The following OPCML variants were observed in gnomAD, a reference collection of about 807,000 sequenced individuals.
The protein encoded by OPCML is opioid binding protein/cell adhesion molecule like.
Under a neutral mutation model 37.8 loss-of-function variants are expected in OPCML, and 13 were observed. The observed-to-expected ratio is 0.34, with a 90% CI of 0.22 to 0.55. The LOEUF is 0.55. Ranked by LOEUF, OPCML falls within the 20% of genes least tolerant of loss-of-function variation. OPCML has a pLI of 0.91. For missense variants in OPCML, 341 were observed against 435.6 expected (o/e 0.78, Z 1.93); for synonymous variants, 176 against 168.8 (o/e 1.04, Z -0.33).
intron 2 of OPCML, among the ~76,000 whole-genome samples, chr11:132,678,906 G>T (rs1004046088): frequency 5.9e-5 from 9 of 152,022 alleles, no homozygotes; most frequent in Non-Finnish European, 8.8e-5. Flanking sequence ...GTCATTGTAG[G>T]TTCCTCAGCT....
At chr11:133,090,654 T>G (rs1253305376) in intron 1 of OPCML, among the ~76,000 whole-genome samples, 2 of 152,130 alleles carry the variant, frequency 1.3e-5, no homozygotes, top group Admixed American at 1.3e-4. Flanking sequence ...ACTAGGAAAT[T>G]TGGCAAAAGA....
intron 1 of OPCML, among the ~76,000 whole-genome samples, chr11:133,204,892 A>ATGTGTG (rs1281135321): frequency 3.6e-5 from 5 of 137,342 alleles, no homozygotes; most frequent in African/African-American, 8.1e-5. Flanking sequence ...ATATATATAT[A>ATGTGTG]TATATATATA....
At chr11:133,276,786 T>C (rs1226433411) in intron 1 of OPCML, among the ~76,000 whole-genome samples, 1 of 152,158 alleles carries the variant, frequency 6.6e-6, no homozygotes, top group African/African-American at 2.4e-5. Context: ...TTTTTATAAC[T>C]TCTATGACAG....
chr11:132,774,181 T>A (rs1041168299), intron 2 of OPCML, among the ~76,000 whole-genome samples: 3 of 152,184 alleles, frequency 2.0e-5, no homozygotes, highest in Non-Finnish European at 4.4e-5. Context: ...ATGAGGCAGC[T>A]CCTAGAAGGT....
At chr11:133,060,420 T>C (rs921980221) in intron 1 of OPCML, among the ~76,000 whole-genome samples, 5 of 152,168 alleles carry the variant, frequency 3.3e-5, no homozygotes, top group African/African-American at 1.2e-4. Context: ...CTGTTACATA[T>C]AGTCACATGT....
At chr11:133,053,141 C>G (rs1002055829) in intron 1 of OPCML, among the ~76,000 whole-genome samples, 1 of 152,218 alleles carries the variant, frequency 6.6e-6, no homozygotes, top group Non-Finnish European at 1.5e-5. Context: ...TCATCATTCA[C>G]CAGATTTGGG....
intron 2 of OPCML, among the ~76,000 whole-genome samples, chr11:132,680,492 G>A (rs1397021943): frequency 6.6e-6 from 1 of 152,142 alleles, no homozygotes; most frequent in African/African-American, 2.4e-5. Flanking sequence ...ACTTTCCTCA[G>A]GGCTGAAGAA....
In OPCML at chr11:133,205,021, G is replaced by T. The variant is rs965286783; in HGVS notation, c.62-262011C>A. ...TTGCAGGCTAATGAGATGCCTGGCA[G>T]CTGGGGCCCAGGATGGCCTCAGGAT... On this transcript the variant is annotated intron_variant, in intron 1 of 7. Transcript: ENST00000524381. This position sits in a 1 kb window ranked among gnomAD's most constrained non-coding sequence, Gnocchi z 4.8. 4.0e-5 allele frequency among the ~76,000 whole-genome samples: 6 copies of T among 151,518 alleles called. No homozygotes were observed. Among genetic ancestry groups the T allele is most frequent in the Non-Finnish European group, 4.4e-5 (3 of 67,920 alleles).
At chr11:132,815,584 T>C (rs1258213940) in intron 2 of OPCML, among the ~76,000 whole-genome samples, 1 of 152,094 alleles carries the variant, frequency 6.6e-6, no homozygotes, top group Non-Finnish European at 1.5e-5. Flanking sequence ...TTTGTGTGAG[T>C]TGAGAAGTGA....
chr11:133,354,304 A>ATAGTGATGATGGTGGT (rs1944226397), intron 1 of OPCML, among the ~76,000 whole-genome samples: 8 of 9,886 alleles, frequency 8.1e-4, no homozygotes, highest in South Asian at 6.8e-3. Context: ...GGTGGTGGTG[A>ATAGTGATGATGGTGGT]CGTGTTGGTA....
chr11:132,426,708 A>G (rs1250196029), intron 7 of OPCML, among the ~76,000 whole-genome samples: 1 of 152,232 alleles, frequency 6.6e-6, no homozygotes, highest in Non-Finnish European at 1.5e-5. Flanking sequence ...CTGGAATTAC[A>G]GGCATGAGCC....
At chr11:133,466,328 T>C (rs1946976509) in intron 1 of OPCML, among the ~76,000 whole-genome samples, 1 of 152,220 alleles carries the variant, frequency 6.6e-6, no homozygotes, top group Non-Finnish European at 1.5e-5. Context: ...AAGATTACTC[T>C]GGATCAGTGG....
At chr11:132,571,622 G>T (rs1284748890) in intron 3 of OPCML, among the ~76,000 whole-genome samples, 1 of 152,144 alleles carries the variant, frequency 6.6e-6, no homozygotes, top group East Asian at 1.9e-4. Flanking sequence ...GTAACTCTGA[G>T]TACTATTCTA....
chr11:132,933,094 C>T (rs1945262854), intron 2 of OPCML, among the ~76,000 whole-genome samples: 1 of 152,156 alleles, frequency 6.6e-6, no homozygotes, highest in Admixed American at 6.5e-5. Context: ...GAACTGTTTC[C>T]ACTGCACAGG....
intron 1 of OPCML, among the ~76,000 whole-genome samples, chr11:133,083,650 T>A (rs1473054813): frequency 6.6e-6 from 1 of 152,184 alleles, no homozygotes. Context: ...ACTGGAACAG[T>A]TATCTTGGGT....
chr11:132,731,447 C>CTT (rs1491532380), intron 2 of OPCML, among the ~76,000 whole-genome samples: 8 of 152,146 alleles, frequency 5.3e-5, no homozygotes, highest in Non-Finnish European at 1.0e-4. Context: ...AGAAATGTGC[C>CTT]ACAGTGTATT....
chr11:133,522,697 G>A (rs747176010), intron 1 of OPCML, among the ~76,000 whole-genome samples: 2 of 152,134 alleles, frequency 1.3e-5, no homozygotes, highest in Non-Finnish European at 2.9e-5. Flanking sequence ...GACAGGTGAC[G>A]AGAAGAGCTG....
At chr11:132,581,432 G>C (rs2096461813) in intron 3 of OPCML, among the ~76,000 whole-genome samples, 1 of 152,174 alleles carries the variant, frequency 6.6e-6, no homozygotes, top group African/African-American at 2.4e-5. Context: ...ATTTGTGATT[G>C]TGTATAAAGT....
chr11:132,477,144 C>A (rs1392333545), intron 4 of OPCML, among the ~76,000 whole-genome samples: 2 of 152,176 alleles, frequency 1.3e-5, no homozygotes, highest in African/African-American at 2.4e-5. Context: ...CAGAGTGCAA[C>A]CCAATGATTT....
Sources: allele counts gnomAD v4.1 joint callset (sites outside exome capture counted in the v4.1 genomes callset), GRCh38; gene constraint gnomAD v4.1.1; non-coding constraint Gnocchi (gnomAD v3.1); transcripts MANE v1.5; gene names NCBI Gene and HGNC (gene_info 2026-07-23, HGNC 2026-07-21).